CSPG4: variants seen among roughly 807,000 people sequenced by gnomAD.
The protein encoded by CSPG4 is chondroitin sulfate proteoglycan 4 (melanoma-associated).
CSPG4 carries 74 observed loss-of-function variants against 139.3 expected under a neutral mutation model. The ratio of observed to expected loss-of-function variants is 0.53; its 90% CI spans 0.44 to 0.64. The LOEUF is 0.64. Ranked by LOEUF, CSPG4 falls within the 30% of genes least tolerant of loss-of-function variation. CSPG4 has a pLI of 0.00. For missense variants in CSPG4, 2,565 were observed against 3,148.3 expected (o/e 0.81, Z 4.43); for synonymous variants, 1,234 against 1,394.2 (o/e 0.89, Z 2.56).
intron 1 of CSPG4, among the ~76,000 whole-genome samples, chr15:75,702,065 T>C (rs1043243080): frequency 1.1e-4 from 16 of 152,210 alleles, no homozygotes; most frequent in African/African-American, 3.4e-4. Context: ...CCTTTGCTAA[T>C]AGCAGCCCCA....
chr15:75,701,371 C>A (rs1894299137), intron 1 of CSPG4, among the ~76,000 whole-genome samples: 1 of 152,000 alleles, frequency 6.6e-6, no homozygotes. Context: ...CCCACCACAG[C>A]AAGTCCCAGC....
chr15:75,688,818 C>A lies in CSPG4; in HGVS notation c.2247G>T (p.Gln749His). 1 of 1,612,902 alleles carries A rather than the reference C, an allele frequency of 6.2e-7. No homozygotes were observed. Among genetic ancestry groups the A allele is most frequent in the Non-Finnish European group, 8.5e-7 (1 of 1,179,956 alleles). Reference sequence around the variant, plus strand: ...TCTCCACGGTGTCGTAAGCGTGGTGCTGTGGGTCAGTGCTCAGGTACCTCA... The same window carrying A: ...TCTCCACGGTGTCGTAAGCGTGGTGATGTGGGTCAGTGCTCAGGTACCTCA... ...GRVRYLSTDP[Q>H]HHAYDTVENL... The change falls in exon 3 of 10, where the codon CAG (glutamine) becomes CAT (histidine). Residue 749 changes from glutamine to histidine, a missense_variant. Physicochemically the swap from Gln to His is conservative, Grantham distance 24. Coordinates refer to ENST00000308508, the MANE Select transcript of CSPG4 (RefSeq NM_001897.5).
In CSPG4 at chr15:75,689,052, C is replaced by T. The variant is rs1452657312; in HGVS notation, c.2013G>A (p.Leu671=). 2 of 1,611,156 alleles carry T rather than the reference C, an allele frequency of 1.2e-6. No homozygotes were observed. The highest frequency in any genetic ancestry group is 4.5e-5 in the East Asian group (2 of 44,878). Residue 671 remains leucine, a synonymous_variant, in exon 3 of 10, where the codon TTG becomes TTA. Transcript: ENST00000308508. ...PAIQIHRSTG[L]RLAQGSAMPI... ...GCATGGCAGAGCCTTGGGCCAGTCG[C>T]AACCCTGTGCTGCGGTGGATCTGTA...
rs1363126538 is a variant in CSPG4 at position 75,688,101 on chromosome 15, A to G, written c.2964T>C (p.Ala988=). 1.2e-6 allele frequency: 2 copies of G among 1,612,744 alleles called. No individual in the cohort carries two copies. Among genetic ancestry groups the G allele is most frequent in the African/African-American group, 1.3e-5 (1 of 74,944 alleles). ...CACCACTGCTCTCGCCCTGGCGGGT[A>G]GCAACAAATGGGATATCATCTTCTG... ...ETTEDDIPFV[A]TRQGESSGDM... is the part of the protein sequence containing the mutation. Residue 988 remains alanine (A), a synonymous_variant, in exon 3 of 10, where the codon GCT becomes GCC. Transcript: ENST00000308508.
At chr15:75,711,014 T>A (rs1207271945) in intron 1 of CSPG4, among the ~76,000 whole-genome samples, 13 of 152,232 alleles carry the variant, frequency 8.5e-5, no homozygotes, top group Non-Finnish European at 1.9e-4. Flanking sequence ...TGGTTCTCCC[T>A]GGCCTGTGCT....
At chr15:75,697,012 C>T (rs1224631906) in intron 1 of CSPG4, among the ~76,000 whole-genome samples, 1 of 152,214 alleles carries the variant, frequency 6.6e-6, no homozygotes, top group East Asian at 1.9e-4. Flanking sequence ...GCTCCGGGGA[C>T]AAGGAGTCGC....
At position 75,688,504 on chromosome 15, in the gene CSPG4, G is replaced by A. The variant is rs1481535079; in HGVS notation, c.2561C>T (p.Ala854Val). The change falls in exon 3 of 10, where the codon GCT becomes GTT. Residue 854 changes from alanine to valine, a missense_variant. Coordinates refer to ENST00000308508, the MANE Select transcript of CSPG4 (RefSeq NM_001897.5). Reference protein sequence around the residue: ...GQGFTQDDIQAGRVTYGATAR... With the variant: ...GQGFTQDDIQVGRVTYGATAR... ...TGTGGCCCCATAGGTCACCCGGCCA[G>A]CCTGTATGTCATCCTGGGTGAAGCC... 1 of 1,613,270 alleles carries A rather than the reference G, an allele frequency of 6.2e-7. No homozygotes were observed. The highest frequency in any genetic ancestry group is 2.2e-5 in the East Asian group (1 of 44,890).
intron 1 of CSPG4, among the ~76,000 whole-genome samples, chr15:75,706,285 G>A (rs528740552): frequency 1.8e-4 from 28 of 152,338 alleles, no homozygotes; most frequent in African/African-American, 4.6e-4. Context: ...CTGCCCTGGC[G>A]GGGGAACGAG....
chr15:75,700,563 G>A (rs1341675580), intron 1 of CSPG4, among the ~76,000 whole-genome samples: 1 of 152,098 alleles, frequency 6.6e-6, no homozygotes, highest in Non-Finnish European at 1.5e-5. Flanking sequence ...GTGACTTGGA[G>A]GTCTGGGAGG....
At chr15:75,706,429 ATGTG>A (rs550570670) in intron 1 of CSPG4, among the ~76,000 whole-genome samples, 5 of 151,548 alleles carry the variant, frequency 3.3e-5, no homozygotes, top group Admixed American at 1.3e-4. Context: ...GTGAATGTGT[ATGTG>A]TGTGTGTGAG....
chr15:75,692,375 C>T (rs1894176297), intron 2 of CSPG4, among the ~76,000 whole-genome samples: 1 of 152,218 alleles, frequency 6.6e-6, no homozygotes, highest in South Asian at 2.1e-4. Context: ...TCACCTTGGC[C>T]TCCCAAAGTG....
intron 2 of CSPG4, among the ~76,000 whole-genome samples, chr15:75,692,274 G>A (rs1184689917): frequency 6.6e-6 from 1 of 152,110 alleles, no homozygotes; most frequent in African/African-American, 2.4e-5. Context: ...ATGAGCCACC[G>A]CGTCCGGTTA....
rs372582146 is a variant in CSPG4, at chr15:75,675,885, C to T, written c.6634G>A (p.Gly2212Arg). 2.5e-6 allele frequency: 4 copies of T among 1,606,048 alleles called. No individual in the cohort carries two copies. Among genetic ancestry groups the T allele is most frequent in the Non-Finnish European group, 2.5e-6 (3 of 1,179,914 alleles). ...ASSPEPAVAK[G>R]GFLSFLEANM... The stretch of plus-strand genomic sequence containing the variant: ...GCCTCAAGGAAGCTCAGGAAGCCTC[C>T]CTTGGCCACAGCGGGCTCAGGGCTG... The change falls in exon 10 of 10, where the codon GGA (glycine) becomes AGA (arginine). Residue 2212 changes from glycine (G) to arginine (R), a missense_variant. Around this residue, in one of 5 missense-constraint regions of CSPG4, gnomAD observed 2,316 missense variants for 2,818.2 expected, o/e 0.82. Transcript: ENST00000308508.
rs188051535 is a variant in CSPG4 at position 75,677,959 on chromosome 15, C to T, written c.4951-73G>A. The T allele has an allele frequency of 4.5e-4, 637 of 1,411,750 alleles. 4 individuals carry two copies. Among genetic ancestry groups the T allele is most frequent in the Non-Finnish European group, 4.6e-4 (479 of 1,050,446 alleles). 87.5% of individuals were successfully genotyped at this position (1,411,750 alleles called of 1,614,324 possible). On this transcript the variant is annotated intron_variant, in intron 8 of 9. Transcript: ENST00000308508. Reference sequence around the variant, plus strand: ...GTCCAGACACTGAGCACTTTTGTCTCCTCAGGCCCCACTCTGGGCTCTCCT... The same window carrying T: ...GTCCAGACACTGAGCACTTTTGTCTTCTCAGGCCCCACTCTGGGCTCTCCT...
chr15:75,712,600 CT>C, intron 1 of CSPG4, 67 bp downstream of exon 1: 2 of 1,461,326 alleles, frequency 1.4e-6, no homozygotes, highest in Non-Finnish European at 1.9e-6. Context: ...CCTCCTGTCC[CT>C]TTTCCCTCCC....
In CSPG4 at chr15:75,676,775, C is replaced by A; in HGVS notation, c.5744G>T (p.Gly1915Val). ...ATCAGACATGCTCAGCTGGAAGATGCCTGCCACGCTGCTCCCGTTGGCCAC... is the reference window on the plus strand; with the variant it reads ...ATCAGACATGCTCAGCTGGAAGATGACTGCCACGCTGCTCCCGTTGGCCAC... ...AFVANGSSVA[G>V]IFQLSMSDGA... The change falls in exon 10 of 10, where the codon GGC (glycine) becomes GTC (valine). Residue 1915 changes from glycine to valine, a missense_variant. Around this residue, in one of 5 missense-constraint regions of CSPG4, gnomAD observed 2,316 missense variants for 2,818.2 expected, o/e 0.82. Coordinates refer to ENST00000308508, the MANE Select transcript of CSPG4 (RefSeq NM_001897.5). 1 of 1,546,416 alleles carries A rather than the reference C, an allele frequency of 6.5e-7. No homozygotes were observed. The highest frequency in any genetic ancestry group is 8.7e-7 in the Non-Finnish European group (1 of 1,143,830).
chr15:75,713,048 A>C (rs548615918), upstream of CSPG4, among the ~76,000 whole-genome samples: 12 of 152,296 alleles, frequency 7.9e-5, no homozygotes, highest in Admixed American at 7.8e-4. Context: ...CCCACCCTAA[A>C]GACTTAGAAC....
intron 1 of CSPG4, among the ~76,000 whole-genome samples, 177 bp from the exon 2 acceptor site, chr15:75,693,410 C>T (rs1355148829): frequency 6.6e-6 from 1 of 152,248 alleles, no homozygotes; most frequent in Non-Finnish European, 1.5e-5. Context: ...TTGGTCCTGG[C>T]ACCAGAAGGC....
At chr15:75,681,857 T>C (rs967973851) in intron 8 of CSPG4, among the ~76,000 whole-genome samples, 4 of 152,198 alleles carry the variant, frequency 2.6e-5, no homozygotes, top group Non-Finnish European at 4.4e-5. Context: ...GGCTGGCACT[T>C]GACCTGAGCC....
Sources: gnomAD v4.1 joint callset for allele counts (sites outside exome capture counted in the v4.1 genomes callset) on GRCh38, gnomAD v4.1.1 for gene constraint, gnomAD v4.1.1 regional missense constraint, MANE v1.5 for transcripts, NCBI Gene and HGNC (gene_info 2026-07-23, HGNC 2026-07-21) for gene names.